The following SALL1 variants were observed in gnomAD, a reference collection of about 807,000 sequenced individuals.
SALL1 encodes spalt like transcription factor 1, also known as sal-like protein 1.
A neutral mutation model predicts 73.1 loss-of-function variants in SALL1; 10 were observed. That is an observed-to-expected ratio of 0.14 (90% CI 0.08 to 0.23). The LOEUF (loss-of-function observed/expected upper bound fraction) is 0.23, where lower values mean the gene tolerates loss of function less well. Ranked by LOEUF, SALL1 falls within the 10% of genes least tolerant of loss-of-function variation. SALL1 has a pLI of 1.00. For missense variants in SALL1, 1,520 were observed against 1,697.3 expected (o/e 0.90, Z 1.84); for synonymous variants, 688 against 689.8 (o/e 1.00, Z 0.04).
At chr16:51,151,642 G>C (rs1319064737), upstream of SALL1, among the ~76,000 whole-genome samples, 3 of 151,226 alleles carry the variant, frequency 2.0e-5, no homozygotes, top group African/African-American at 7.3e-5. Flanking sequence ...GGGACTCCGC[G>C]GCCCGGCCGC....
Position 51,140,724 on chromosome 16 carries a change from T to C in SALL1, c.1498A>G (p.Lys500Glu), listed in dbSNP as rs1962408849. 2 of 1,614,190 alleles carry C rather than the reference T, an allele frequency of 1.2e-6. No individual in the cohort carries two copies. The highest frequency in any genetic ancestry group is 8.5e-7 in the Non-Finnish European group (1 of 1,180,040). Residue 500 changes from lysine to glutamate, a missense_variant, in exon 2 of 3, where the codon AAA (lysine) becomes GAA (glutamate). By Grantham distance (56) the Lys-to-Glu change is moderately conservative. Transcript: ENST00000251020. This position sits in a 1 kb window ranked among gnomAD's most constrained non-coding sequence, Gnocchi z 5.7. ...GNLKVHFQRHKEKYPHIQMNP... is the reference protein window; with the variant it reads ...GNLKVHFQRHEEKYPHIQMNP... ...ATCTGGATATGAGGGTATTTCTCTT[T>C]GTGGCGCTGAAAGTGGACTTTCAGA...
chr16:51,145,984 T>A, intron 1 of SALL1, among the ~76,000 whole-genome samples: 1 of 134,658 alleles, frequency 7.4e-6, no homozygotes, highest in South Asian at 2.5e-4. Flanking sequence ...TTGGTCTTTT[T>A]TTTTTTTTTC....
chr16:51,151,753 C>G (rs972516338), upstream of SALL1, among the ~76,000 whole-genome samples: 9 of 151,648 alleles, frequency 5.9e-5, no homozygotes, highest in Non-Finnish European at 1.0e-4. Flanking sequence ...CGCCCCCCCC[C>G]ACAATCCCGG....
chr16:51,136,950 T>TAA lies in SALL1; in HGVS notation c.*160_*161dup, dbSNP rs1382776100. The TAA allele has an allele frequency of 3.1e-6, 2 of 643,866 alleles. No individual in the cohort carries two copies. The highest frequency in any genetic ancestry group is 4.1e-5 in the African/African-American group (2 of 48,308). 39.9% of individuals were successfully genotyped at this position (643,866 alleles called of 1,614,324 possible). ...TAATAAATAAGCTTTCTTAGAACTC[T>TAA]AAAGTTGAACAAGGTACAAAAGAAT... On this transcript the variant is annotated 3_prime_UTR_variant, in exon 3 of 3. Coordinates refer to ENST00000251020, the MANE Select transcript of SALL1 (RefSeq NM_002968.3).
rs1175315865 is a variant in SALL1, at chr16:51,141,126, T to A, written c.1096A>T (p.Ser366Cys). 1 of 1,614,196 alleles carries A rather than the reference T, an allele frequency of 6.2e-7. No individual in the cohort carries two copies. Among genetic ancestry groups the A allele is most frequent in the African/African-American group, 1.3e-5 (1 of 75,032 alleles). Reference sequence around the variant, plus strand: ...GACGATGATGAGACCGCTGGGTTGCTGACATGGGAGGCCCCAGCACTTGAA... The same window carrying A: ...GACGATGATGAGACCGCTGGGTTGCAGACATGGGAGGCCCCAGCACTTGAA... The part of the protein sequence containing the change: ...VASSAGASHV[S>C]NPAVSSSSSP... Residue 366 changes from serine (S) to cysteine (C), a missense_variant, in exon 2 of 3, where the codon AGC (serine) becomes TGC (cysteine). By Grantham distance (112) the Ser-to-Cys change is moderately radical. This residue lies in a region of SALL1 where 540 missense variants were observed against 567.5 expected (regional missense o/e 0.95). Transcript: ENST00000251020. This position sits in a 1 kb window ranked among gnomAD's most constrained non-coding sequence, Gnocchi z 5.4.
At chr16:51,143,321 T>G (rs1272722574) in intron 1 of SALL1, 1 of 427,600 alleles carries the variant, frequency 2.3e-6, no homozygotes, top group African/African-American at 2.0e-5. Context: ...TAACATCCTA[T>G]TCAAAGACAG....
At position 51,146,480 on chromosome 16, in the gene SALL1, A is replaced by G. The variant is rs570935151; in HGVS notation, c.77-4335T>C. On this transcript the variant is annotated intron_variant, in intron 1 of 2. Transcript: ENST00000251020. ...AGATCTAAACTTTGACTACATAAAC[A>G]TTGGCAAAGGCACAAGAAACTAAAT... Among the ~76,000 whole-genome samples the G allele has an allele frequency of 1.3e-3, 194 of 152,334 alleles. 1 individual carries two copies. Among genetic ancestry groups the G allele is most frequent in the Non-Finnish European group, 2.4e-3 (161 of 68,028 alleles).
At chr16:51,151,145 G>C in intron 1 of SALL1, 21 bp downstream of exon 1, 1 of 1,575,486 alleles carries the variant, frequency 6.3e-7, no homozygotes, top group Non-Finnish European at 8.6e-7. Flanking sequence ...GTGTGTCCAC[G>C]GCGCGGGCCG....
At chr16:51,150,632 G>A in intron 1 of SALL1, 1 of 948,054 alleles carries the variant, frequency 1.1e-6, no homozygotes, top group Non-Finnish European at 1.3e-6. Flanking sequence ...GAGGGGGAGT[G>A]TGCGTGGGGG....
In SALL1 at chr16:51,139,616, T is replaced by C. The variant is rs1176041602; in HGVS notation, c.2606A>G (p.Gln869Arg). ...CAGGCCAGCATTGATCATCTTCATC[T>C]GATTTTCCAAAGCAGCGATGCTCGA... ...EMSSIAALEN[Q>R]MKMINAGLAE... is the part of the protein sequence containing the mutation. The change falls in exon 2 of 3, where the codon CAG becomes CGG. Residue 869 changes from glutamine (Q) to arginine (R), a missense_variant. Physicochemically the swap from Gln to Arg is conservative, Grantham distance 43. Transcript: ENST00000251020. The C allele has an allele frequency of 6.2e-7, 1 of 1,613,574 alleles. No homozygotes were observed. Among genetic ancestry groups the C allele is most frequent in the East Asian group, 2.2e-5 (1 of 44,878 alleles).
In SALL1 at chr16:51,139,954, A is replaced by G; in HGVS notation, c.2268T>C (p.His756=). 6.2e-7 allele frequency: 1 copy of G among 1,614,198 alleles called. No homozygotes were observed. The highest frequency in any genetic ancestry group is 1.6e-4 in the Middle Eastern group (1 of 6,062). The change falls in exon 2 of 3, where the codon CAT becomes CAC. Residue 756 remains histidine, a synonymous_variant. Coordinates refer to ENST00000251020, the MANE Select transcript of SALL1 (RefSeq NM_002968.3). ...GGACTCTGAGCGGGGGCATAGCACGATGGACACTGTAGTGGGTTTTAAGAT... is the reference window on the plus strand; with the variant it reads ...GGACTCTGAGCGGGGGCATAGCACGGTGGACACTGTAGTGGGTTTTAAGAT... ...KGNLKTHYSV[H]RAMPPLRVQH...
In SALL1 at chr16:51,151,115, G is replaced by C. The variant is rs778860740; in HGVS notation, c.76+51C>G. 4.2e-6 allele frequency: 6 copies of C among 1,427,384 alleles called. No individual in the cohort carries two copies. In the East Asian group the frequency reaches 7.5e-5, roughly 18 times the overall value. The allele number at this position is 1,427,384 out of a possible 1,614,324, so 88.4% of individuals were successfully genotyped here. A position where few individuals can be genotyped will look rare whatever the true frequency, so the allele number is the denominator to read the frequency against. Reference sequence around the variant, plus strand: ...CGCGTGTGAGTGGGTCCGAGTGTGCGTGAGTGTGAGTGCGTGTGTGTGTGT... The same window carrying C: ...CGCGTGTGAGTGGGTCCGAGTGTGCCTGAGTGTGAGTGCGTGTGTGTGTGT... On this transcript the variant is annotated intron_variant, in intron 1 of 2. Coordinates refer to ENST00000251020, the MANE Select transcript of SALL1 (RefSeq NM_002968.3).
chr16:51,143,812 T>A (rs752795820), intron 1 of SALL1, among the ~76,000 whole-genome samples: 1 of 152,210 alleles, frequency 6.6e-6, no homozygotes, highest in Non-Finnish European at 1.5e-5. Flanking sequence ...GGAGTGTTAT[T>A]TGAGTAGCTA....
intron 1 of SALL1, chr16:51,143,316 T>A (rs181758416): frequency 4.6e-5 from 19 of 416,808 alleles, no homozygotes; most frequent in African/African-American, 3.1e-4. Flanking sequence ...CAAGCTAACA[T>A]CCTATTCAAA....
At chr16:51,144,702 T>G (rs974533475) in intron 1 of SALL1, among the ~76,000 whole-genome samples, 1 of 152,192 alleles carries the variant, frequency 6.6e-6, no homozygotes, top group African/African-American at 2.4e-5. Flanking sequence ...ATTACTTTCC[T>G]GCACTCAAAT....
Position 51,140,436 on chromosome 16 carries a change from C to T in SALL1, c.1786G>A (p.Gly596Arg), listed in dbSNP as rs749351570. 10 of 1,613,798 alleles carry T rather than the reference C, an allele frequency of 6.2e-6. No individual in the cohort carries two copies. Among genetic ancestry groups the T allele is most frequent in the African/African-American group, 4.0e-5 (3 of 74,878 alleles). Residue 596 changes from glycine (G) to arginine (R), a missense_variant, in exon 2 of 3, where the codon GGG becomes AGG. Gly to Arg is a moderately radical substitution (Grantham distance 125, BLOSUM62 -2). Transcript: ENST00000251020. This position sits in a 1 kb window ranked among gnomAD's most constrained non-coding sequence, Gnocchi z 5.7. Reference sequence around the variant, plus strand: ...TTTCTTGTGGCTGACTCAGGGCCCCCGGAGTCACTTTTGACTGAGCCTGGG... The same window carrying T: ...TTTCTTGTGGCTGACTCAGGGCCCCTGGAGTCACTTTTGACTGAGCCTGGG... ...SPPGSVKSDS[G>R]GPESATRNLG...
At position 51,138,782 on chromosome 16, in the gene SALL1, C is replaced by T; in HGVS notation, c.3440G>A (p.Ser1147Asn). 1.2e-6 allele frequency: 2 copies of T among 1,614,182 alleles called. No homozygotes were observed. Among genetic ancestry groups the T allele is most frequent in the South Asian group, 1.1e-5 (1 of 91,082 alleles). Residue 1147 changes from serine to asparagine, a missense_variant, in exon 2 of 3, where the codon AGT (serine) becomes AAT (asparagine). Ser to Asn is a conservative substitution (Grantham distance 46). This residue lies in a region of SALL1 where 318 missense variants were observed against 357.1 expected (regional missense o/e 0.89). Transcript: ENST00000251020. ...NTCGKTFSSS[S>N]ALQIHERTHT... Reference sequence around the variant, plus strand: ...AGTTCTCTCGTGAATCTGCAGGGCACTCGATGAGGAGAAGGTTTTGCCACA... The same window carrying T: ...AGTTCTCTCGTGAATCTGCAGGGCATTCGATGAGGAGAAGGTTTTGCCACA...
chr16:51,139,790 C>T lies in SALL1; in HGVS notation c.2432G>A (p.Gly811Asp), dbSNP rs1227916969. Reference sequence around the variant, plus strand: ...ATCAAAATTTTTCTCATCAAAGGAACCTGTGTCAGACTCCATGGACTCAGA... The same window carrying T: ...ATCAAAATTTTTCTCATCAAAGGAATCTGTGTCAGACTCCATGGACTCAGA... ...SYSESMESDT[G>D]SFDEKNFDDL... Residue 811 changes from glycine (G) to aspartate (D), a missense_variant, in exon 2 of 3, where the codon GGT becomes GAT. Coordinates refer to ENST00000251020, the MANE Select transcript of SALL1 (RefSeq NM_002968.3). The T allele has an allele frequency of 6.2e-7, 1 of 1,614,190 alleles. No homozygotes were observed. The highest frequency in any genetic ancestry group is 8.5e-7 in the Non-Finnish European group (1 of 1,180,044).
chr16:51,141,676 C>T lies in SALL1; in HGVS notation c.546G>A (p.Leu182=), dbSNP rs1392210954. 31 of 1,613,480 alleles carry T rather than the reference C, an allele frequency of 1.9e-5. No homozygotes were observed. The highest frequency in any genetic ancestry group is 2.6e-5 in the Non-Finnish European group (31 of 1,180,038). Residue 182 remains leucine, a synonymous_variant, in exon 2 of 3, where the codon CTG becomes CTA. Coordinates refer to ENST00000251020, the MANE Select transcript of SALL1 (RefSeq NM_002968.3). The surrounding 1 kb of genome is among the most constrained non-coding windows in gnomAD (Gnocchi z 5.4). ...TTACGGAGAAGTTGCCCAGTGTTGTCAGGTCCCCGAGTTGAGGTAGAGAGG... is the reference window on the plus strand; with the variant it reads ...TTACGGAGAAGTTGCCCAGTGTTGTTAGGTCCCCGAGTTGAGGTAGAGAGG... ...ITTSLPQLGD[L]TTLGNFSVIN...
Sources: allele counts gnomAD v4.1 joint callset (sites outside exome capture counted in the v4.1 genomes callset), GRCh38; gene constraint gnomAD v4.1.1; regional missense constraint gnomAD v4.1.1; non-coding constraint Gnocchi (gnomAD v3.1); transcripts MANE v1.5; gene names NCBI Gene and HGNC (gene_info 2026-07-23, HGNC 2026-07-21).